The following ECPAS variants were observed in gnomAD, a reference collection of about 807,000 sequenced individuals.
ECPAS encodes the protein Ecm29 proteasome adaptor and scaffold.
ECPAS carries 70 observed loss-of-function variants against 255.1 expected under a neutral mutation model. The ratio of observed to expected loss-of-function variants is 0.27; its 90% CI spans 0.23 to 0.33. ECPAS has a LOEUF of 0.33. ECPAS is among the 10% of genes least tolerant of loss of function. The pLI is 1.00. For synonymous variants in ECPAS, 784 were observed against 775.0 expected, an observed-to-expected ratio of 1.01 and a Z score of -0.19; for missense variants, 1,817 against 2,206.4, an observed-to-expected ratio of 0.82 and a Z score of 3.54.
intron 17 of ECPAS, among the ~76,000 whole-genome samples, chr9:111,417,520 T>C (rs567834659): frequency 1.3e-5 from 2 of 152,168 alleles, no homozygotes; most frequent in East Asian, 3.9e-4. Flanking sequence ...CCAAGGCAGG[T>C]GGATCACCTG....
In ECPAS at chr9:111,484,216, C is replaced by T. The variant is rs1457611887; in HGVS notation, c.-183G>A. The T allele has an allele frequency of 6.8e-7, 1 of 1,469,980 alleles. No individual in the cohort carries two copies. Among genetic ancestry groups the T allele is most frequent in the Non-Finnish European group, 9.0e-7 (1 of 1,114,496 alleles). 91.1% of individuals were successfully genotyped at this position (1,469,980 alleles called of 1,614,324 possible). ...CGGCGGGCCGGGCCCCGGGGAGCCG[C>T]GCGCCGCAGTCCGTGAGGGGCTGGG... On this transcript the variant is annotated 5_prime_UTR_variant, in exon 1 of 50. Transcript: ENST00000684092.
At chr9:111,472,796 AC>A (rs1411800660) in intron 2 of ECPAS, 100 bp downstream of exon 2, 4 of 243,950 alleles carry the variant, frequency 1.6e-5, no homozygotes, top group East Asian at 1.5e-4. Context: ...AAAAAAAAAA[AC>A]ATGAAGATCT....
intron 23 of ECPAS, 87 bp downstream of exon 23, chr9:111,409,954 C>T: frequency 1.1e-6 from 1 of 937,180 alleles, no homozygotes; most frequent in Non-Finnish European, 1.6e-6. Flanking sequence ...GCTGTAATGC[C>T]ATCTATTCTC....
intron 36 of ECPAS, 58 bp from the exon 37 acceptor site, chr9:111,376,599 C>A (rs975697099): frequency 1.6e-6 from 2 of 1,280,836 alleles, no homozygotes; most frequent in Non-Finnish European, 2.2e-6. Flanking sequence ...ATAATCCGCA[C>A]AAACACCCAT....
chr9:111,454,270 G>A (rs887887326), intron 2 of ECPAS, among the ~76,000 whole-genome samples: 38 of 132,556 alleles, frequency 2.9e-4, no homozygotes, highest in African/African-American at 9.8e-4. Flanking sequence ...AACTGACCTA[G>A]AGAATCTCTG....
At chr9:111,470,775 C>G (rs2098286805) in intron 2 of ECPAS, among the ~76,000 whole-genome samples, 1 of 151,456 alleles carries the variant, frequency 6.6e-6, no homozygotes, top group South Asian at 2.1e-4. Flanking sequence ...CACACACACA[C>G]ACACACACAC....
intron 24 of ECPAS, among the ~76,000 whole-genome samples, chr9:111,398,503 G>A (rs1297186066): frequency 1.3e-5 from 2 of 152,132 alleles, no homozygotes; most frequent in Non-Finnish European, 1.5e-5. Context: ...GATACATGGG[G>A]ATTCATTATA....
chr9:111,401,186 A>G (rs1376326156), intron 24 of ECPAS, among the ~76,000 whole-genome samples: 1 of 152,252 alleles, frequency 6.6e-6, no homozygotes, highest in Non-Finnish European at 1.5e-5. Context: ...TATCCTTCAA[A>G]TATCAGGGGA....
At position 111,421,903 on chromosome 9, in the gene ECPAS, T is replaced by G. The variant is rs1391147013; in HGVS notation, c.1455+18A>C. ...TAAACCGTATACTACCCAGGCTTTG[T>G]AGTTCACACGGACCTACCTTTATTA... On this transcript the variant is annotated intron_variant, in intron 15 of 49. Transcript: ENST00000684092. The G allele has an allele frequency of 1.2e-6, 2 of 1,610,312 alleles. No homozygotes were observed. Among genetic ancestry groups the G allele is most frequent in the East Asian group, 2.2e-5 (1 of 44,854 alleles).
intron 24 of ECPAS, among the ~76,000 whole-genome samples, chr9:111,405,073 T>C (rs2098181996): frequency 1.3e-5 from 2 of 149,664 alleles, no homozygotes; most frequent in Admixed American, 6.6e-5. Flanking sequence ...CTAAAATTGC[T>C]ATGAAACCAC....
At chr9:111,428,000 A>G (rs1179898509) in intron 10 of ECPAS, 42 bp downstream of exon 10, 1 of 1,586,532 alleles carries the variant, frequency 6.3e-7, no homozygotes, top group Non-Finnish European at 8.6e-7. Flanking sequence ...ATAGACATAA[A>G]AGTTGCAGAC....
At chr9:111,428,728 G>A (rs2098225329) in intron 9 of ECPAS, among the ~76,000 whole-genome samples, 1 of 151,078 alleles carries the variant, frequency 6.6e-6, no homozygotes, top group Non-Finnish European at 1.5e-5. Flanking sequence ...TTTCTTAACA[G>A]TTAATTGCTT....
intron 2 of ECPAS, among the ~76,000 whole-genome samples, chr9:111,466,667 T>C (rs1440464839): frequency 1.3e-5 from 2 of 151,260 alleles, no homozygotes; most frequent in South Asian, 2.1e-4. Context: ...GTTTTTATTT[T>C]GGAGACAGGG....
At chr9:111,376,025 T>C (rs1420231912) in intron 37 of ECPAS, among the ~76,000 whole-genome samples, 1 of 152,198 alleles carries the variant, frequency 6.6e-6, no homozygotes, top group Non-Finnish European at 1.5e-5. Context: ...AAGCAGCCCT[T>C]TACTGCAAAT....
At chr9:111,463,852 A>C (rs2098276058) in intron 2 of ECPAS, among the ~76,000 whole-genome samples, 2 of 152,202 alleles carry the variant, frequency 1.3e-5, no homozygotes, top group South Asian at 2.1e-4. Context: ...ATATTGATAC[A>C]ATCTCTGAAG....
intron 31 of ECPAS, among the ~76,000 whole-genome samples, chr9:111,388,834 G>A (rs1055077437): frequency 2.6e-5 from 4 of 152,090 alleles, no homozygotes; most frequent in African/African-American, 9.7e-5. Flanking sequence ...AAGTTTTCTG[G>A]CTTGGGCAAA....
intron 20 of ECPAS, among the ~76,000 whole-genome samples, chr9:111,412,645 GC>G (rs1279291178): frequency 2.0e-5 from 3 of 152,002 alleles, no homozygotes; most frequent in Non-Finnish European, 4.4e-5. Context: ...CAGGAGGCAG[GC>G]CCTATTTGGA....
intron 2 of ECPAS, among the ~76,000 whole-genome samples, chr9:111,456,173 T>C (rs2098266706): frequency 6.6e-6 from 1 of 152,204 alleles, no homozygotes; most frequent in African/African-American, 2.4e-5. Context: ...ATTCAAAACA[T>C]AAATGCATGG....
intron 34 of ECPAS, 105 bp from the exon 35 acceptor site, chr9:111,383,437 G>A: frequency 7.2e-7 from 1 of 1,390,540 alleles, no homozygotes; most frequent in Non-Finnish European, 9.7e-7. Context: ...GGAAGAATAA[G>A]TGAATCTACT....
Sources: gnomAD v4.1 joint callset for allele counts (sites outside exome capture counted in the v4.1 genomes callset) on GRCh38, gnomAD v4.1.1 for gene constraint, MANE v1.5 for transcripts, NCBI Gene and HGNC (gene_info 2026-07-23, HGNC 2026-07-21) for gene names.